SLC29A3: variants seen among roughly 807,000 people sequenced by gnomAD.
The protein encoded by SLC29A3 is solute carrier family 29 member 3, also known as equilibrative nucleoside transporter 3.
In SLC29A3, 18 loss-of-function variants were observed where a neutral mutation model predicts 25.4. That is an observed-to-expected ratio of 0.71 (90% CI 0.49 to 1.05). The LOEUF (loss-of-function observed/expected upper bound fraction) is 1.05, where lower values mean the gene tolerates loss of function less well. Among genes scored for constraint, SLC29A3 ranks in the 50% least tolerant of loss-of-function variants. The probability of loss-of-function intolerance (pLI) is 0.00; values close to 1 mark genes in which losing one functional copy is unlikely to be tolerated. For missense variants in SLC29A3, 586 were observed against 609.0 expected (o/e 0.96, Z 0.40); for synonymous variants, 258 against 267.1 (o/e 0.97, Z 0.33).
intron 2 of SLC29A3, among the ~76,000 whole-genome samples, chr10:71,342,884 A>G (rs1158113176): frequency 6.6e-6 from 1 of 152,236 alleles, no homozygotes; most frequent in Non-Finnish European, 1.5e-5. Context: ...CCTTATATTC[A>G]GGGTACAGAT....
At chr10:71,326,993 AT>A (rs1290082972) in intron 2 of SLC29A3, among the ~76,000 whole-genome samples, 1 of 151,920 alleles carries the variant, frequency 6.6e-6, no homozygotes, top group African/African-American at 2.4e-5. Flanking sequence ...TCTCTTCCTG[AT>A]TTCCCTGTGA....
At chr10:71,371,827 C>T (rs1157207336) in intron 3 of SLC29A3, among the ~76,000 whole-genome samples, 1 of 152,212 alleles carries the variant, frequency 6.6e-6, no homozygotes, top group East Asian at 1.9e-4. Flanking sequence ...GATTACTTCT[C>T]CTCCCATCGC....
intron 5 of SLC29A3, among the ~76,000 whole-genome samples, chr10:71,356,751 A>C (rs919760251): frequency 1.3e-5 from 2 of 152,182 alleles, no homozygotes; most frequent in African/African-American, 4.8e-5. Flanking sequence ...ACTTGAGCCC[A>C]GGAGTTGGAG....
chr10:71,347,693 G>A (rs1187475790), intron 3 of SLC29A3, among the ~76,000 whole-genome samples: 4 of 152,194 alleles, frequency 2.6e-5, no homozygotes, highest in Admixed American at 1.3e-4. Context: ...TAATTAGCAG[G>A]CGGGAAGGAG....
At chr10:71,376,620 A>G (rs1847253706) in intron 4 of SLC29A3, among the ~76,000 whole-genome samples, 1 of 152,234 alleles carries the variant, frequency 6.6e-6, no homozygotes, top group Non-Finnish European at 1.5e-5. Flanking sequence ...ACCTTAAATA[A>G]TAAGATATAG....
intron 1 of SLC29A3, among the ~76,000 whole-genome samples, chr10:71,322,134 C>T (rs989222432): frequency 1.3e-5 from 2 of 152,072 alleles, no homozygotes; most frequent in African/African-American, 2.4e-5. Context: ...GTCCCCCTCC[C>T]CGCCCCCCAC....
At chr10:71,355,313 T>C (rs1312231380) in intron 4 of SLC29A3, among the ~76,000 whole-genome samples, 1 of 152,146 alleles carries the variant, frequency 6.6e-6, no homozygotes, top group Non-Finnish European at 1.5e-5. Flanking sequence ...TGGCCTCCTC[T>C]GTTAGGTAGC....
chr10:71,321,783 T>G (rs1845851125), intron 1 of SLC29A3, among the ~76,000 whole-genome samples: 1 of 152,226 alleles, frequency 6.6e-6, no homozygotes, highest in Admixed American at 6.5e-5. Flanking sequence ...GCTCTTCCAT[T>G]TATCTTAGGC....
chr10:71,357,583 C>G (rs1015792037), intron 5 of SLC29A3, among the ~76,000 whole-genome samples: 1 of 152,286 alleles, frequency 6.6e-6, no homozygotes, highest in East Asian at 1.9e-4. Flanking sequence ...GCCTGAATCT[C>G]AGAGCCAGTA....
chr10:71,336,936 A>G lies in SLC29A3; in HGVS notation c.301-7273A>G, dbSNP rs1349332000. Reference sequence around the variant, plus strand: ...CAGTGAGCCCAGGCCTGGAGCTGTCATGAGAGGCCAAAGGAGGGACGGTTG... The same window carrying G: ...CAGTGAGCCCAGGCCTGGAGCTGTCGTGAGAGGCCAAAGGAGGGACGGTTG... On this transcript the variant is annotated intron_variant, in intron 2 of 5. Transcript: ENST00000373189. 4.6e-5 allele frequency among the ~76,000 whole-genome samples: 7 copies of G among 152,292 alleles called. No homozygotes were observed. In the East Asian group the frequency reaches 7.8e-4, roughly 17 times the overall value.
downstream of SLC29A3, among the ~76,000 whole-genome samples, chr10:71,367,084 G>T (rs1201630353): frequency 2.6e-5 from 4 of 152,172 alleles, no homozygotes; most frequent in Non-Finnish European, 5.9e-5. Flanking sequence ...GAGTAGTGGG[G>T]GTCTCTCATG....
chr10:71,322,895 G>A lies in SLC29A3; in HGVS notation c.141G>A (p.Glu47=), dbSNP rs780488295. The change falls in exon 2 of 6, where the codon GAG becomes GAA. Residue 47 remains glutamate, a synonymous_variant. Coordinates refer to ENST00000373189, the MANE Select transcript of SLC29A3 (RefSeq NM_018344.6). Reference sequence around the variant, plus strand: ...CGCCCCCTGGCCTGCAGAGGCCCGAGGACCGCTTCTGTGGCACATACATCA... The same window carrying A: ...CGCCCCCTGGCCTGCAGAGGCCCGAAGACCGCTTCTGTGGCACATACATCA... The part of the protein sequence containing the change: ...DRPPPGLQRP[E]DRFCGTYIIF... 3 of 1,614,244 alleles carry A rather than the reference G, an allele frequency of 1.9e-6. No individual in the cohort carries two copies. The highest frequency in any genetic ancestry group is 1.1e-5 in the South Asian group (1 of 91,084).
intron 3 of SLC29A3, among the ~76,000 whole-genome samples, chr10:71,368,432 G>A (rs1847186362): frequency 6.6e-6 from 1 of 152,166 alleles, no homozygotes; most frequent in African/African-American, 2.4e-5. Context: ...TGTACCCAGT[G>A]CTCAATGGAC....
At chr10:71,326,922 G>A (rs745540214) in intron 2 of SLC29A3, among the ~76,000 whole-genome samples, 3 of 152,120 alleles carry the variant, frequency 2.0e-5, no homozygotes, top group East Asian at 1.9e-4. Flanking sequence ...TGCATTTTGC[G>A]GGCCATTTCT....
chr10:71,358,825 T>C (rs1846981488), intron 5 of SLC29A3, among the ~76,000 whole-genome samples: 1 of 152,204 alleles, frequency 6.6e-6, no homozygotes, highest in African/African-American at 2.4e-5. Flanking sequence ...CCTAGTCTCA[T>C]TTGGGCAGGC....
intron 3 of SLC29A3, among the ~76,000 whole-genome samples, chr10:71,344,737 A>G (rs1446547539): frequency 6.6e-6 from 1 of 152,254 alleles, no homozygotes; most frequent in East Asian, 1.9e-4. Context: ...GAGAGGCTCC[A>G]TCTGGATATG....
intron 3 of SLC29A3, among the ~76,000 whole-genome samples, chr10:71,348,228 T>C (rs1846647617): frequency 6.6e-6 from 1 of 152,338 alleles, no homozygotes; most frequent in East Asian, 1.9e-4. Flanking sequence ...GGGCTCTGCC[T>C]TTGCAGCGCG....
At chr10:71,368,817 G>A (rs1372479865) in intron 3 of SLC29A3, among the ~76,000 whole-genome samples, 1 of 152,200 alleles carries the variant, frequency 6.6e-6, no homozygotes, top group African/African-American at 2.4e-5. Context: ...CTGAAGGTAA[G>A]TCCAATCCCC....
chr10:71,329,235 G>A (rs937726649), intron 2 of SLC29A3, among the ~76,000 whole-genome samples: 1 of 152,118 alleles, frequency 6.6e-6, no homozygotes, highest in Non-Finnish European at 1.5e-5. Context: ...TATAACCAGC[G>A]TGTTCTCCAA....
Sources: allele counts gnomAD v4.1 joint callset (sites outside exome capture counted in the v4.1 genomes callset), GRCh38; gene constraint gnomAD v4.1.1; transcripts MANE v1.5; gene names NCBI Gene and HGNC (gene_info 2026-07-23, HGNC 2026-07-21).